SYT1: variants seen among roughly 807,000 people sequenced by gnomAD.
The protein encoded by SYT1 is synaptotagmin-1.
Under a neutral mutation model 44.8 loss-of-function variants are expected in SYT1, and 8 were observed. The observed-to-expected ratio is 0.18, with a 90% CI of 0.10 to 0.32. The LOEUF is 0.32. Among genes scored for constraint, SYT1 ranks in the 10% least tolerant of loss-of-function variants. The probability of loss-of-function intolerance (pLI) is 1.00; values close to 1 mark genes in which losing one functional copy is unlikely to be tolerated. For missense variants in SYT1, 286 were observed against 509.3 expected, an observed-to-expected ratio of 0.56 and a Z score of 4.22; for synonymous variants, 154 against 188.8, an observed-to-expected ratio of 0.82 and a Z score of 1.51.
chr12:79,390,251 T>G (rs935652776), intron 9 of SYT1, among the ~76,000 whole-genome samples: 3 of 152,306 alleles, frequency 2.0e-5, no homozygotes, highest in Middle Eastern at 6.8e-3. Flanking sequence ...TTCTTTATTA[T>G]ATACTGTGCT....
intron 3 of SYT1, among the ~76,000 whole-genome samples, chr12:79,130,680 A>G (rs1425755213): frequency 1.3e-5 from 2 of 152,110 alleles, no homozygotes; most frequent in Non-Finnish European, 2.9e-5. Context: ...TGCCATAATT[A>G]CCCGCATGGG....
chr12:79,131,587 T>C (rs1156345579), intron 3 of SYT1, among the ~76,000 whole-genome samples: 1 of 152,170 alleles, frequency 6.6e-6, no homozygotes, highest in East Asian at 1.9e-4. Flanking sequence ...TCATATACAA[T>C]TTAATTAAGT....
chr12:79,209,912 T>C (rs1194417357), intron 3 of SYT1, among the ~76,000 whole-genome samples: 1 of 152,224 alleles, frequency 6.6e-6, no homozygotes, highest in Non-Finnish European at 1.5e-5. Context: ...AGTTTCAATA[T>C]GGGACTTTTC....
At chr12:78,985,433 C>T (rs1456847898) in intron 2 of SYT1, among the ~76,000 whole-genome samples, 1 of 151,610 alleles carries the variant, frequency 6.6e-6, no homozygotes, top group Admixed American at 6.6e-5. Flanking sequence ...CAGCTGAATA[C>T]ATAGAATAAT....
intron 1 of SYT1, among the ~76,000 whole-genome samples, chr12:78,908,380 T>A (rs1876117903): frequency 6.6e-6 from 1 of 151,912 alleles, no homozygotes. Flanking sequence ...GTTTTTCTTT[T>A]TTTTTTTAAG....
At chr12:79,310,607 G>C (rs1294225128) in intron 8 of SYT1, among the ~76,000 whole-genome samples, 4 of 152,176 alleles carry the variant, frequency 2.6e-5, no homozygotes, top group Non-Finnish European at 4.4e-5. Flanking sequence ...ACCTTGGGCA[G>C]TATGGCCATT....
chr12:79,061,367 C>T (rs1460085393), intron 3 of SYT1, among the ~76,000 whole-genome samples: 4 of 152,088 alleles, frequency 2.6e-5, no homozygotes, highest in Non-Finnish European at 5.9e-5. Context: ...CTCTAATCCT[C>T]ACACTGAAAA....
chr12:79,208,357 A>G (rs1473934440), intron 3 of SYT1, among the ~76,000 whole-genome samples: 1 of 152,242 alleles, frequency 6.6e-6, no homozygotes, highest in East Asian at 1.9e-4. Flanking sequence ...AACTGCACAC[A>G]AAGCATAAAG....
intron 1 of SYT1, among the ~76,000 whole-genome samples, chr12:78,928,399 C>T (rs1877424026): frequency 1.3e-5 from 2 of 152,134 alleles, no homozygotes; most frequent in South Asian, 4.1e-4. Context: ...AATTTGTTTT[C>T]CTTCTTCCCG....
chr12:79,374,994 G>A (rs1302604753), intron 9 of SYT1, among the ~76,000 whole-genome samples: 1 of 152,170 alleles, frequency 6.6e-6, no homozygotes, highest in Non-Finnish European at 1.5e-5. Flanking sequence ...CACAAAAGCA[G>A]CCACAGACAG....
At chr12:79,092,343 G>T (rs1877835093) in intron 3 of SYT1, among the ~76,000 whole-genome samples, 1 of 151,682 alleles carries the variant, frequency 6.6e-6, no homozygotes, top group South Asian at 2.1e-4. Context: ...AAAGAGAATA[G>T]ATTCTTCTTA....
intron 3 of SYT1, among the ~76,000 whole-genome samples, chr12:79,094,723 C>A (rs902323387): frequency 2.0e-5 from 3 of 151,720 alleles, no homozygotes; most frequent in African/African-American, 7.3e-5. Context: ...GTATATAGTT[C>A]CATTTTAGCT....
chr12:79,268,363 A>G (rs1388571241), intron 4 of SYT1, among the ~76,000 whole-genome samples: 1 of 152,238 alleles, frequency 6.6e-6, no homozygotes, highest in Non-Finnish European at 1.5e-5. Flanking sequence ...ATCAAAATCC[A>G]TTAACCATGG....
chr12:78,914,705 G>T (rs746092553), intron 1 of SYT1, among the ~76,000 whole-genome samples: 3 of 151,786 alleles, frequency 2.0e-5, no homozygotes, highest in Non-Finnish European at 4.4e-5. Flanking sequence ...TTTGCCTAAA[G>T]ATATATTCAG....
intron 3 of SYT1, among the ~76,000 whole-genome samples, chr12:79,095,601 G>A (rs1189568599): frequency 1.3e-5 from 2 of 151,892 alleles, no homozygotes; most frequent in Admixed American, 1.3e-4. Flanking sequence ...AGGAAAAAGA[G>A]ACAAGGAGTG....
intron 3 of SYT1, among the ~76,000 whole-genome samples, chr12:79,124,573 C>T (rs1009868373): frequency 6.6e-6 from 1 of 151,978 alleles, no homozygotes; most frequent in Non-Finnish European, 1.5e-5. Flanking sequence ...TCATCACCAT[C>T]ACCATTATCA....
chr12:79,039,019 T>C (rs1873330043), intron 2 of SYT1, among the ~76,000 whole-genome samples: 2 of 152,010 alleles, frequency 1.3e-5, no homozygotes, highest in East Asian at 3.9e-4. Flanking sequence ...TAAATAGTTG[T>C]CTTCCTCCCC....
intron 1 of SYT1, among the ~76,000 whole-genome samples, chr12:78,967,292 T>A (rs1449400623): frequency 1.5e-4 from 23 of 152,162 alleles, no homozygotes; most frequent in Non-Finnish European, 3.2e-4. Context: ...AATAGCAATA[T>A]AAACTGCTCG....
At chr12:79,441,316 C>T (rs1174385826) in intron 9 of SYT1, among the ~76,000 whole-genome samples, 3 of 152,036 alleles carry the variant, frequency 2.0e-5, no homozygotes, top group Non-Finnish European at 4.4e-5. Context: ...GTTGCTGCTG[C>T]TGCTGTTGTT....
Sources: gnomAD v4.1 joint callset for allele counts (sites outside exome capture counted in the v4.1 genomes callset) on GRCh38, gnomAD v4.1.1 for gene constraint, MANE v1.5 for transcripts, NCBI Gene and HGNC (gene_info 2026-07-23, HGNC 2026-07-21) for gene names.